STXBP5L: variants seen among roughly 807,000 people sequenced by gnomAD.
STXBP5L encodes syntaxin-binding protein 5-like.
STXBP5L carries 65 observed loss-of-function variants against 144.5 expected under a neutral mutation model. The observed-to-expected ratio is 0.45, with a 90% CI of 0.37 to 0.55. The LOEUF is 0.55. Among genes scored for constraint, STXBP5L ranks in the 20% least tolerant of loss-of-function variants. The probability of loss-of-function intolerance (pLI) is 0.00; values close to 1 mark genes in which losing one functional copy is unlikely to be tolerated. For missense variants in STXBP5L, 1,298 were observed against 1,405.5 expected (o/e 0.92, Z 1.22); for synonymous variants, 505 against 469.6 (o/e 1.08, Z -0.97).
At chr3:121,238,906 T>C in intron 12 of STXBP5L, 65 bp from the exon 13 acceptor site, 2 of 1,406,648 alleles carry the variant, frequency 1.4e-6, no homozygotes, top group Non-Finnish European at 9.5e-7. Flanking sequence ...GGGCTTACTT[T>C]ATCAAAATTA....
chr3:121,141,563 ACT>A (rs1209882768), intron 7 of STXBP5L, among the ~76,000 whole-genome samples: 1 of 152,164 alleles, frequency 6.6e-6, no homozygotes, highest in African/African-American at 2.4e-5. Flanking sequence ...AGTAAAAATA[ACT>A]CTAACTGAAA....
chr3:120,914,245 A>G (rs1327993632), intron 2 of STXBP5L, among the ~76,000 whole-genome samples: 1 of 152,108 alleles, frequency 6.6e-6, no homozygotes, highest in Non-Finnish European at 1.5e-5. Flanking sequence ...ATTACCAAAA[A>G]AAGAGTAAAA....
chr3:121,400,410 A>T (rs2046843173), intron 22 of STXBP5L, among the ~76,000 whole-genome samples: 2 of 152,184 alleles, frequency 1.3e-5, no homozygotes, highest in Non-Finnish European at 2.9e-5. Flanking sequence ...CTAGCATGTG[A>T]TCGGCCAACC....
chr3:121,247,400 T>C (rs1257356055), intron 14 of STXBP5L, among the ~76,000 whole-genome samples: 1 of 152,244 alleles, frequency 6.6e-6, no homozygotes, highest in Non-Finnish European at 1.5e-5. Context: ...GTAGGATTGT[T>C]ACATGGGTAT....
At chr3:120,961,883 CCCA>C (rs1241052953) in intron 3 of STXBP5L, among the ~76,000 whole-genome samples, 2 of 152,206 alleles carry the variant, frequency 1.3e-5, no homozygotes, top group Non-Finnish European at 2.9e-5. Context: ...AGTTTACACT[CCCA>C]CCAACAGTGT....
chr3:121,203,284 T>C (rs907860011), intron 9 of STXBP5L, among the ~76,000 whole-genome samples: 1 of 152,180 alleles, frequency 6.6e-6, no homozygotes, highest in African/African-American at 2.4e-5. Flanking sequence ...ATTTTGTACC[T>C]CATTAACATT....
At chr3:121,035,449 C>T (rs540134855) in intron 3 of STXBP5L, among the ~76,000 whole-genome samples, 2 of 152,268 alleles carry the variant, frequency 1.3e-5, no homozygotes, top group East Asian at 1.9e-4. Context: ...TTTCCCAGCA[C>T]CATTTATTGA....
At chr3:121,047,625 T>A (rs1452915279) in intron 5 of STXBP5L, among the ~76,000 whole-genome samples, 3 of 152,206 alleles carry the variant, frequency 2.0e-5, no homozygotes, top group East Asian at 1.9e-4. Flanking sequence ...CTTGTCTTTT[T>A]TGATCTTTGT....
chr3:121,151,499 G>GTGA (rs2045930346), intron 7 of STXBP5L, among the ~76,000 whole-genome samples: 1 of 152,112 alleles, frequency 6.6e-6, no homozygotes, highest in South Asian at 2.1e-4. Flanking sequence ...GTCGAGATAA[G>GTGA]TGATAAGGTC....
intron 3 of STXBP5L, among the ~76,000 whole-genome samples, chr3:120,990,173 CAG>C (rs1385783219): frequency 6.6e-6 from 1 of 152,088 alleles, no homozygotes; most frequent in East Asian, 1.9e-4. Context: ...AACAGACAAA[CAG>C]AGAGCCAAAT....
chr3:121,299,398 G>T (rs1002530458), intron 19 of STXBP5L, among the ~76,000 whole-genome samples: 2 of 151,950 alleles, frequency 1.3e-5, no homozygotes, highest in Non-Finnish European at 1.5e-5. Flanking sequence ...AAGTGTCAAG[G>T]CACCCTTTAT....
chr3:121,345,166 C>T (rs545841624), intron 20 of STXBP5L, among the ~76,000 whole-genome samples: 177 of 152,106 alleles, frequency 1.2e-3, no homozygotes, highest in Admixed American at 2.8e-3. Context: ...CGCAGCCCCC[C>T]ACTCCCTGAC....
At chr3:120,999,154 G>C in intron 3 of STXBP5L, among the ~76,000 whole-genome samples, 1 of 152,102 alleles carries the variant, frequency 6.6e-6, no homozygotes, top group East Asian at 1.9e-4. Flanking sequence ...CCGGGTTCAA[G>C]TGATTCTTGT....
chr3:120,987,451 T>C (rs984686803), intron 3 of STXBP5L, among the ~76,000 whole-genome samples: 2 of 151,984 alleles, frequency 1.3e-5, no homozygotes, highest in African/African-American at 4.8e-5. Flanking sequence ...TTGCCCATTT[T>C]ATATTTTGAT....
intron 3 of STXBP5L, among the ~76,000 whole-genome samples, chr3:120,991,102 A>G (rs937777853): frequency 6.6e-6 from 1 of 152,114 alleles, no homozygotes; most frequent in Admixed American, 6.5e-5. Context: ...GCTAATATCC[A>G]GAATCTACAA....
intron 5 of STXBP5L, among the ~76,000 whole-genome samples, chr3:121,090,374 C>G (rs1449128525): frequency 2.0e-5 from 3 of 152,136 alleles, no homozygotes; most frequent in African/African-American, 7.2e-5. Context: ...TCCTCTTTTA[C>G]CCCTCTTACA....
intron 10 of STXBP5L, among the ~76,000 whole-genome samples, chr3:121,222,729 A>C (rs996680988): frequency 3.9e-5 from 6 of 152,162 alleles, no homozygotes; most frequent in African/African-American, 1.4e-4. Context: ...CAGTGAGCAC[A>C]TCTACCTTCC....
In STXBP5L at chr3:121,045,432, TA is replaced by T; in HGVS notation, c.370-2del. The T allele has an allele frequency of 6.3e-7, 1 of 1,599,808 alleles. No homozygotes were observed. On this transcript the variant is annotated splice_acceptor_variant, in intron 4 of 26. Transcript: ENST00000471454. LOFTEE classifies it high-confidence loss of function. Reference sequence around the variant, plus strand: ...CACTTACTTTATCTTCTTTTTGTTCTAGGGTGCCTTGGTCAGTGCAAGTTCA... The same window carrying T: ...CACTTACTTTATCTTCTTTTTGTTCTGGGTGCCTTGGTCAGTGCAAGTTCA...
intron 12 of STXBP5L, 131 bp downstream of exon 12, chr3:121,233,819 G>T (rs918470919): frequency 2.8e-5 from 19 of 675,846 alleles, no homozygotes; most frequent in Non-Finnish European, 3.8e-5. Flanking sequence ...ATGCACTTTG[G>T]TTCAATGGTG....
Sources: allele counts gnomAD v4.1 joint callset (sites outside exome capture counted in the v4.1 genomes callset), GRCh38; gene constraint gnomAD v4.1.1; transcripts MANE v1.5; gene names NCBI Gene and HGNC (gene_info 2026-07-23, HGNC 2026-07-21).